The following CDC123 variants were observed in gnomAD, a reference collection of about 807,000 sequenced individuals.
CDC123 encodes cell division cycle 123.
Under a neutral mutation model 54.4 loss-of-function variants are expected in CDC123, and 37 were observed. That is an observed-to-expected ratio of 0.68 (90% CI 0.52 to 0.89). The LOEUF (loss-of-function observed/expected upper bound fraction) is 0.89. CDC123 is among the 40% of genes least tolerant of loss of function. The pLI is 0.00. For synonymous variants in CDC123, 144 were observed against 136.8 expected, an observed-to-expected ratio of 1.05 and a Z score of -0.37; for missense variants, 361 against 412.1, an observed-to-expected ratio of 0.88 and a Z score of 1.07.
At chr10:12,236,553 T>A (rs772707428) in intron 8 of CDC123, among the ~76,000 whole-genome samples, 6 of 151,432 alleles carry the variant, frequency 4.0e-5, no homozygotes, top group East Asian at 1.9e-4. Flanking sequence ...AAGCTATGAT[T>A]GTGCCACTGT....
At chr10:12,239,192 G>A (rs1209628688) in intron 10 of CDC123, among the ~76,000 whole-genome samples, 1 of 151,654 alleles carries the variant, frequency 6.6e-6, no homozygotes, top group Non-Finnish European at 1.5e-5. Context: ...ATCAACTAAG[G>A]TGATTGAAAT....
intron 8 of CDC123, 91 bp from the exon 9 acceptor site, chr10:12,237,053 A>G (rs1835986994): frequency 7.2e-7 from 1 of 1,384,708 alleles, no homozygotes; most frequent in Non-Finnish European, 9.5e-7. Context: ...ATCTACTTTA[A>G]TGGTTCTTTC....
chr10:12,213,874 A>G (rs2131739241), intron 4 of CDC123, among the ~76,000 whole-genome samples: 1 of 152,296 alleles, frequency 6.6e-6, no homozygotes, highest in Non-Finnish European at 1.5e-5. Context: ...AGAAAAGACA[A>G]TTGGACCTCT....
intron 10 of CDC123, among the ~76,000 whole-genome samples, chr10:12,241,438 C>T (rs2131765937): frequency 6.6e-6 from 1 of 152,210 alleles, no homozygotes. Flanking sequence ...TTCTTGTTCT[C>T]CATTTCAATA....
chr10:12,241,206 G>T (rs541839111), intron 10 of CDC123, among the ~76,000 whole-genome samples: 1 of 152,156 alleles, frequency 6.6e-6, no homozygotes, highest in African/African-American at 2.4e-5. Context: ...TTTAAGGGTC[G>T]TTTCTGTGAA....
intron 9 of CDC123, 150 bp downstream of exon 9, chr10:12,237,416 T>C: frequency 5.2e-6 from 3 of 573,754 alleles, no homozygotes; most frequent in Non-Finnish European, 7.8e-6. Flanking sequence ...TTTGATAGTT[T>C]GTATGTTAAT....
chr10:12,198,899 C>A, intron 2 of CDC123, 123 bp downstream of exon 2: 2 of 631,406 alleles, frequency 3.2e-6, no homozygotes, highest in South Asian at 1.9e-5. Flanking sequence ...AAATGATGTG[C>A]TGATCTTTGT....
At chr10:12,225,746 CTTTTTTTTTTTTT>C (rs60404885) in intron 6 of CDC123, among the ~76,000 whole-genome samples, 2 of 66,956 alleles carry the variant, frequency 3.0e-5, no homozygotes, top group African/African-American at 7.0e-5. Flanking sequence ...TAGCTTCTCT[CTTTTTTTTTTTTT>C]TTTTTTTTTT....
intron 10 of CDC123, among the ~76,000 whole-genome samples, chr10:12,243,254 C>T (rs1419065701): frequency 6.6e-6 from 1 of 151,684 alleles, no homozygotes; most frequent in Non-Finnish European, 1.5e-5. Flanking sequence ...GAAAATTAGC[C>T]AGGCGTGGTG....
At chr10:12,226,417 G>A (rs58143735) in intron 6 of CDC123, among the ~76,000 whole-genome samples, 4,210 of 152,036 alleles carry the variant, frequency 0.028, 196 homozygotes, top group African/African-American at 0.097. Context: ...CCCACCTCCT[G>A]GAGGGGGCAG....
chr10:12,197,622 C>T (rs973842470), intron 1 of CDC123, among the ~76,000 whole-genome samples: 1 of 142,144 alleles, frequency 7.0e-6, no homozygotes, highest in African/African-American at 2.5e-5. Context: ...CGTGATCCGC[C>T]CGCCTCGGCC....
At chr10:12,199,921 C>T (rs956618510) in intron 2 of CDC123, among the ~76,000 whole-genome samples, 8 of 151,712 alleles carry the variant, frequency 5.3e-5, no homozygotes, top group African/African-American at 1.9e-4. Flanking sequence ...CTCCCGGGTT[C>T]ACGCTATTCT....
At chr10:12,226,927 C>T (rs906093654) in intron 6 of CDC123, among the ~76,000 whole-genome samples, 5 of 152,030 alleles carry the variant, frequency 3.3e-5, no homozygotes, top group Non-Finnish European at 5.9e-5. Flanking sequence ...GAGGTTGTAG[C>T]GAGCCGAGAT....
intron 10 of CDC123, among the ~76,000 whole-genome samples, chr10:12,240,097 G>A (rs1368049168): frequency 2.0e-5 from 3 of 151,942 alleles, no homozygotes; most frequent in Non-Finnish European, 2.9e-5. Context: ...AGACAGAAGA[G>A]GATTAGTTTA....
Position 12,196,202 on chromosome 10 carries a change from G to GT in CDC123, c.-43dup. ...GGCCGGCGCCCAGAGTTCCGGGAGG[G>GT]TGCAGGCAGGAGAGGGAAAGGCAGC... is the stretch of plus-strand genomic sequence containing the variant. On this transcript the variant is annotated 5_prime_UTR_variant, in exon 1 of 13. Transcript: ENST00000281141. 6.2e-7 allele frequency: 1 copy of GT among 1,613,548 alleles called. No individual in the cohort carries two copies. The highest frequency in any genetic ancestry group is 8.5e-7 in the Non-Finnish European group (1 of 1,179,902).
chr10:12,214,410 A>G (rs1444892741), intron 4 of CDC123, among the ~76,000 whole-genome samples: 1 of 152,232 alleles, frequency 6.6e-6, no homozygotes, highest in Non-Finnish European at 1.5e-5. Flanking sequence ...GGAGAGATGA[A>G]TGGAAAATAA....
chr10:12,227,282 A>T (rs1353366150), intron 6 of CDC123, among the ~76,000 whole-genome samples: 1 of 9,200 alleles, frequency 1.1e-4, no homozygotes, highest in South Asian at 3.1e-3. Context: ...CCATGGGGAG[A>T]GGGGGAGGGG....
chr10:12,220,230 G>C (rs1564436770), intron 6 of CDC123, among the ~76,000 whole-genome samples: 2 of 152,150 alleles, frequency 1.3e-5, no homozygotes, highest in African/African-American at 2.4e-5. Flanking sequence ...TTAATTCTGA[G>C]GCTGATGTTT....
chr10:12,206,502 T>C (rs1835520657), intron 2 of CDC123, among the ~76,000 whole-genome samples: 1 of 152,204 alleles, frequency 6.6e-6, no homozygotes, highest in South Asian at 2.1e-4. Flanking sequence ...AAGCAAGAAT[T>C]ACAAAGAGTT....
Sources: allele counts gnomAD v4.1 joint callset (sites outside exome capture counted in the v4.1 genomes callset), GRCh38; gene constraint gnomAD v4.1.1; transcripts MANE v1.5; gene names NCBI Gene and HGNC (gene_info 2026-07-23, HGNC 2026-07-21).